Variants in ATP13A3 observed in about 807,000 individuals in gnomAD.
ATP13A3 encodes ATPase 13A3, also known as polyamine-transporting ATPase 13A3.
Under a neutral mutation model 158.1 loss-of-function variants are expected in ATP13A3, and 59 were observed. The ratio of observed to expected loss-of-function variants is 0.37; its 90% confidence interval spans 0.30 to 0.46. ATP13A3 has a LOEUF of 0.46. Among genes scored for constraint, ATP13A3 ranks in the 20% least tolerant of loss-of-function variants. The probability of loss-of-function intolerance (pLI) is 1.00; values close to 1 mark genes in which losing one functional copy is unlikely to be tolerated. For missense variants in ATP13A3, 1,166 were observed against 1,525.2 expected (o/e 0.76, Z 3.92); for synonymous variants, 491 against 504.3 (o/e 0.97, Z 0.35).
chr3:194,450,125 T>C lies in ATP13A3; in HGVS notation c.970+20A>G, dbSNP rs1032555387. 6.2e-7 allele frequency: 1 copy of C among 1,611,296 alleles called. No individual in the cohort carries two copies. On this transcript the variant is annotated intron_variant, in intron 11 of 33. Transcript: ENST00000645319. Reference sequence around the variant, plus strand: ...ATATATCATGAACAACTCATGTTGATATTTACTCATTTAGCTTACCTGTTA... The same window carrying C: ...ATATATCATGAACAACTCATGTTGACATTTACTCATTTAGCTTACCTGTTA...
At chr3:194,456,641 AAGG>A (rs1348697133) in intron 7 of ATP13A3, among the ~76,000 whole-genome samples, 4 of 152,148 alleles carry the variant, frequency 2.6e-5, no homozygotes, top group African/African-American at 4.8e-5. Flanking sequence ...TAACACAATG[AAGG>A]AGATTATGTC....
At chr3:194,491,935 G>C (rs1248155517), upstream of ATP13A3, among the ~76,000 whole-genome samples, 1 of 152,112 alleles carries the variant, frequency 6.6e-6, no homozygotes, top group Non-Finnish European at 1.5e-5. Context: ...GCTCCCAGTG[G>C]GTTCCTCTGC....
At chr3:194,473,127 T>G (rs959308877) in intron 2 of ATP13A3, among the ~76,000 whole-genome samples, 6 of 152,218 alleles carry the variant, frequency 3.9e-5, no homozygotes, top group African/African-American at 1.4e-4. Flanking sequence ...TGCACAGGTA[T>G]TCCCTGAATC....
chr3:194,446,995 C>A lies in ATP13A3; in HGVS notation c.1429G>T (p.Gly477Cys). ...VYAQRRLKKI[G>C]IFCISPQRIN... The stretch of plus-strand genomic sequence containing the variant: ...CTTTGAGGACTGATACAGAAAATAC[C>A]GATTTTTTTCAGTCTTCTCTGAGCA... The change falls in exon 14 of 34, where the codon GGT (glycine) becomes TGT (cysteine). Residue 477 changes from glycine (G) to cysteine (C), a missense_variant. Around this residue, in one of 3 missense-constraint regions of ATP13A3, gnomAD observed 997 missense variants for 1,341.2 expected, o/e 0.74. Transcript: ENST00000645319. 6.2e-7 allele frequency: 1 copy of A among 1,613,524 alleles called. No individual in the cohort carries two copies.
chr3:194,470,468 C>A (rs1161331161), intron 2 of ATP13A3, among the ~76,000 whole-genome samples: 1 of 152,008 alleles, frequency 6.6e-6, no homozygotes. Flanking sequence ...CAAAATCAAC[C>A]CTTTTATTCA....
intron 18 of ATP13A3, 29 bp downstream of exon 18, chr3:194,437,521 ATATACT>A (rs768247064): frequency 1.2e-6 from 2 of 1,612,634 alleles, no homozygotes; most frequent in South Asian, 1.1e-5. Context: ...ATCAAAACAA[ATATACT>A]TAGTAAGAAG....
At chr3:194,446,291 A>C (rs1293327245) in intron 14 of ATP13A3, among the ~76,000 whole-genome samples, 1 of 152,124 alleles carries the variant, frequency 6.6e-6, no homozygotes, top group African/African-American at 2.4e-5. Flanking sequence ...TGGAGTTTGC[A>C]TGTTCTCTCC....
Position 194,404,294 on chromosome 3 carries a change from G to A in ATP13A3, c.*1625C>T, listed in dbSNP as rs924682666. On this transcript the variant is annotated 3_prime_UTR_variant, in exon 34 of 34. Coordinates refer to ENST00000645319, the MANE Select transcript of ATP13A3 (RefSeq NM_001367549.1). ...GATTATATTTTTGCAGGAATCATCA[G>A]TGGCAATAGCAGTAACAGTGATCCT... 9.1e-6 allele frequency: 3 copies of A among 330,380 alleles called. No individual in the cohort carries two copies. The highest frequency in any genetic ancestry group is 4.8e-5 in the Admixed American group (1 of 20,630). The allele number at this position is 330,380 out of a possible 1,614,324, so 20.5% of individuals were successfully genotyped here.
Position 194,437,208 on chromosome 3 carries a change from G to A in ATP13A3, c.2007C>T (p.Val669=), listed in dbSNP as rs369809078. The A allele has an allele frequency of 1.0e-4, 161 of 1,613,992 alleles. No homozygotes were observed. In the Middle Eastern group the frequency reaches 1.2e-3, roughly 12 times the overall value. The change falls in exon 20 of 34, where the codon GTC becomes GTT. Residue 669 remains valine, a synonymous_variant. Coordinates refer to ENST00000645319, the MANE Select transcript of ATP13A3 (RefSeq NM_001367549.1). ...AGTCTTCCAAAACGTTTTGAAAATCGACAGGAACTTTTTAAAAGAAAGAGT... is the reference window on the plus strand; with the variant it reads ...AGTCTTCCAAAACGTTTTGAAAATCAACAGGAACTTTTTAAAAGAAAGAGT... ...AGLCKPETVP[V]DFQNVLEDFT...
chr3:194,447,068 A>C lies in ATP13A3; in HGVS notation c.1356T>G (p.Ile452Met). The part of the protein sequence containing the change: ...IIIESLDIIT[I>M]TVPPALPAAM... ...CAGCAGGAAGTGCAGGGGGCACAGT[A>C]ATTGTGATAATATCAAGAGACTCGA... The change falls in exon 14 of 34, where the codon ATT becomes ATG. Residue 452 changes from isoleucine (I) to methionine (M), a missense_variant. Physicochemically the swap from Ile to Met is conservative, Grantham distance 10. Coordinates refer to ENST00000645319, the MANE Select transcript of ATP13A3 (RefSeq NM_001367549.1). 1 of 1,612,022 alleles carries C rather than the reference A, an allele frequency of 6.2e-7. No individual in the cohort carries two copies. The highest frequency in any genetic ancestry group is 8.5e-7 in the Non-Finnish European group (1 of 1,179,536).
chr3:194,425,042 G>A (rs1716661731), intron 30 of ATP13A3, among the ~76,000 whole-genome samples: 1 of 152,176 alleles, frequency 6.6e-6, no homozygotes, highest in Non-Finnish European at 1.5e-5. Context: ...AGTGGGCTGA[G>A]GAACCTCCGT....
At position 194,462,158 on chromosome 3, in the gene ATP13A3, C is replaced by T. The variant is rs1269948520; in HGVS notation, c.33G>A (p.Gln11=). The change falls in exon 3 of 34, where the codon CAG becomes CAA. Residue 11 remains glutamine (Q), a synonymous_variant. Transcript: ENST00000645319. The part of the protein sequence containing the change: MDREERKTIN[Q]GQEDEMEIYG... The stretch of plus-strand genomic sequence containing the variant: ...TGGTTACCATTTCATCTTCTTGACC[C>T]TGATTGATGGTCTTCCTTTCTTCCC... 1.2e-6 allele frequency: 2 copies of T among 1,614,034 alleles called. No homozygotes were observed. Among genetic ancestry groups the T allele is most frequent in the East Asian group, 4.5e-5 (2 of 44,884 alleles).
intron 28 of ATP13A3, 48 bp downstream of exon 28, chr3:194,428,797 T>A: frequency 7.3e-7 from 1 of 1,371,720 alleles, no homozygotes; most frequent in East Asian, 2.3e-5. Context: ...ATAAGTCACA[T>A]CAGAATTTCA....
intron 17 of ATP13A3, 21 bp from the exon 18 acceptor site, chr3:194,437,594 G>T (rs1338144540): frequency 6.3e-7 from 1 of 1,587,214 alleles, no homozygotes; most frequent in East Asian, 2.3e-5. Context: ...AACAAAACAA[G>T]AAAAAATAGT....
At chr3:194,422,948 T>C (rs1002078350) in intron 30 of ATP13A3, among the ~76,000 whole-genome samples, 25 of 148,096 alleles carry the variant, frequency 1.7e-4, no homozygotes, top group African/African-American at 6.0e-4. Context: ...GCATGCTAGA[T>C]GAATAGGAAA....
At chr3:194,459,722 A>G in intron 5 of ATP13A3, 67 bp downstream of exon 5, 1 of 1,503,586 alleles carries the variant, frequency 6.7e-7, no homozygotes, top group Non-Finnish European at 9.0e-7. Context: ...ATTATAGAAT[A>G]TACATGATAG....
At chr3:194,481,450 A>G (rs532958605) in intron 2 of ATP13A3, among the ~76,000 whole-genome samples, 1 of 152,310 alleles carries the variant, frequency 6.6e-6, no homozygotes, top group East Asian at 1.9e-4. Context: ...AGCAAGGGTG[A>G]AAGGAACACC....
intron 17 of ATP13A3, among the ~76,000 whole-genome samples, chr3:194,438,592 T>G (rs1717825670): frequency 6.6e-6 from 1 of 152,128 alleles, no homozygotes; most frequent in African/African-American, 2.4e-5. Flanking sequence ...AAGAGTTAAA[T>G]AAAGGACTTG....
At chr3:194,431,308 A>T in intron 22 of ATP13A3, 82 bp from the exon 23 acceptor site, 6 of 1,424,926 alleles carry the variant, frequency 4.2e-6, no homozygotes, top group Non-Finnish European at 4.7e-6. Flanking sequence ...TTTGTTCTAA[A>T]ACTGAATTCT....
Sources: gnomAD v4.1 joint callset for allele counts (sites outside exome capture counted in the v4.1 genomes callset) on GRCh38, gnomAD v4.1.1 for gene constraint, gnomAD v4.1.1 regional missense constraint, MANE v1.5 for transcripts, NCBI Gene and HGNC (gene_info 2026-07-23, HGNC 2026-07-21) for gene names.